The following DOCK4 variants were observed in gnomAD, a reference collection of about 807,000 sequenced individuals.
DOCK4 encodes dedicator of cytokinesis protein 4.
In DOCK4, 97 loss-of-function variants were observed where a neutral mutation model predicts 268.1. That is an observed-to-expected ratio of 0.36 (90% CI 0.31 to 0.43). The LOEUF is 0.43. Ranked by LOEUF, DOCK4 falls within the 20% of genes least tolerant of loss-of-function variation. The pLI, the probability that DOCK4 is intolerant of heterozygous loss-of-function variation, is 1.00. For missense variants in DOCK4, 2,145 were observed against 2,455.7 expected (o/e 0.87, Z 2.67); for synonymous variants, 954 against 887.2 (o/e 1.08, Z -1.34).
rs181932294 is a variant in DOCK4 at position 111,977,489 on chromosome 7, A to G, written c.550-206T>C. Among the ~76,000 whole-genome samples the G allele has an allele frequency of 1.1e-4, 17 of 152,328 alleles. No individual in the cohort carries two copies. The East Asian group carries it at 2.7e-3, about 24-fold the overall frequency. On this transcript the variant is annotated intron_variant, in intron 7 of 52. Coordinates refer to ENST00000428084, the MANE Select transcript of DOCK4 (RefSeq NM_001363540.2). ...ATAGAAATAGTCTGGAAGATATCCA[A>G]TTTAACTTTGGATGTTAAGTTCCAA... is the stretch of plus-strand genomic sequence containing the variant.
chr7:111,746,217 C>A, intron 44 of DOCK4, 117 bp downstream of exon 44: 1 of 723,858 alleles, frequency 1.4e-6, no homozygotes, highest in South Asian at 2.0e-5. Flanking sequence ...GAATCTGTCA[C>A]CCTTGCTTGC....
At chr7:111,933,743 A>G (rs1381992301) in intron 12 of DOCK4, among the ~76,000 whole-genome samples, 1 of 152,164 alleles carries the variant, frequency 6.6e-6, no homozygotes, top group Non-Finnish European at 1.5e-5. Context: ...TTAGTGGTAG[A>G]TGCAGGACTT....
chr7:112,087,439 C>T (rs1329465914), intron 1 of DOCK4, among the ~76,000 whole-genome samples: 1 of 152,050 alleles, frequency 6.6e-6, no homozygotes, highest in African/African-American at 2.4e-5. Context: ...AATAGACATC[C>T]TCATAAAACT....
intron 23 of DOCK4, among the ~76,000 whole-genome samples, chr7:111,861,514 A>G (rs1805512945): frequency 6.6e-6 from 1 of 152,074 alleles, no homozygotes; most frequent in Non-Finnish European, 1.5e-5. Flanking sequence ...TGGGAGGCTG[A>G]GGTGGGTGGA....
Position 111,769,579 on chromosome 7 carries a change from G to A in DOCK4, c.3778C>T (p.Arg1260Cys), listed in dbSNP as rs1401315161. Reference protein sequence around the residue: ...LTYPMQTEWQRKEHLHLTIIQ... With the variant: ...LTYPMQTEWQCKEHLHLTIIQ... ...ATGGTGAGGTGCAGGTGCTCTTTGCGCTGCCATTCTGTTTGCATGGGGTAG... is the reference window on the plus strand; with the variant it reads ...ATGGTGAGGTGCAGGTGCTCTTTGCACTGCCATTCTGTTTGCATGGGGTAG... The change falls in exon 37 of 53, where the codon CGC becomes TGC. Residue 1260 changes from arginine to cysteine, a missense_variant. This residue lies in a region of DOCK4 where 1,598 missense variants were observed against 1,986.7 expected (regional missense o/e 0.80). Coordinates refer to ENST00000428084, the MANE Select transcript of DOCK4 (RefSeq NM_001363540.2). 5 of 1,613,658 alleles carry A rather than the reference G, an allele frequency of 3.1e-6. No individual in the cohort carries two copies. Among genetic ancestry groups the A allele is most frequent in the Admixed American group, 1.7e-5 (1 of 59,986 alleles).
chr7:111,997,022 C>A (rs1401589307), intron 4 of DOCK4, among the ~76,000 whole-genome samples: 2 of 152,176 alleles, frequency 1.3e-5, no homozygotes, highest in Admixed American at 1.3e-4. Context: ...ACTGGTTGCA[C>A]AGGCTTGCTC....
chr7:111,736,942 G>T lies in DOCK4; in HGVS notation c.5280C>A (p.Asp1760Glu). ...CTTTTTCAGGTGCAGAGAGATTTGG[G>T]TCACTGCGTGGCAAGGCCCCGTCTC... is the stretch of plus-strand genomic sequence containing the variant. Reference protein sequence around the residue: ...HIGDGALPRSDPNLSAPEKAV... With the variant: ...HIGDGALPRSEPNLSAPEKAV... The change falls in exon 50 of 53, where the codon GAC (aspartate) becomes GAA (glutamate). Residue 1760 changes from aspartate (D) to glutamate (E), a missense_variant. By Grantham distance (45) the Asp-to-Glu change is conservative. Coordinates refer to ENST00000428084, the MANE Select transcript of DOCK4 (RefSeq NM_001363540.2). 6.2e-7 allele frequency: 1 copy of T among 1,604,404 alleles called. No individual in the cohort carries two copies. Among genetic ancestry groups the T allele is most frequent in the Non-Finnish European group, 8.5e-7 (1 of 1,175,402 alleles).
chr7:112,113,238 G>T (rs1402718712), intron 1 of DOCK4, among the ~76,000 whole-genome samples: 2 of 152,116 alleles, frequency 1.3e-5, no homozygotes, highest in Admixed American at 1.3e-4. Flanking sequence ...CAGTATTGAA[G>T]ACCAAGGAAG....
At chr7:112,186,519 T>C (rs2116746105) in intron 1 of DOCK4, among the ~76,000 whole-genome samples, 1 of 152,334 alleles carries the variant, frequency 6.6e-6, no homozygotes, top group East Asian at 1.9e-4. Context: ...AATGAAATGA[T>C]GCATGTATGA....
At chr7:111,753,013 G>GC (rs386411014) in intron 42 of DOCK4, among the ~76,000 whole-genome samples, 2 of 141,722 alleles carry the variant, frequency 1.4e-5, no homozygotes, top group African/African-American at 5.1e-5. Flanking sequence ...ATTGGGGGGG[G>GC]GGTCTGTGAT....
intron 51 of DOCK4, 51 bp downstream of exon 51, chr7:111,735,003 C>A: frequency 7.2e-7 from 1 of 1,393,452 alleles, no homozygotes; most frequent in Non-Finnish European, 1.0e-6. Context: ...CTGGAGTAGT[C>A]AATAAAAGTT....
chr7:111,791,056 T>G (rs1165263358), intron 30 of DOCK4, among the ~76,000 whole-genome samples: 2 of 93,468 alleles, frequency 2.1e-5, no homozygotes, highest in Non-Finnish European at 3.6e-5. Context: ...AGACTCTGTC[T>G]CAAAAAAAAA....
intron 13 of DOCK4, among the ~76,000 whole-genome samples, chr7:111,905,883 C>T: frequency 6.6e-6 from 1 of 152,076 alleles, no homozygotes; most frequent in Admixed American, 6.5e-5. Flanking sequence ...TAGTAACAGT[C>T]CTAGTAGCAA....
At position 111,741,078 on chromosome 7, in the gene DOCK4, A is replaced by G. The variant is rs1487136674; in HGVS notation, c.5040+16T>C. 6.2e-7 allele frequency: 1 copy of G among 1,612,974 alleles called. No individual in the cohort carries two copies. The highest frequency in any genetic ancestry group is 8.5e-7 in the Non-Finnish European group (1 of 1,179,670). On this transcript the variant is annotated intron_variant, in intron 47 of 52. Coordinates refer to ENST00000428084, the MANE Select transcript of DOCK4 (RefSeq NM_001363540.2). ...AAAAGGAATAAACACAACCAGACAA[A>G]AAGCTAATTAAGTACCTGCATGTTA...
intron 1 of DOCK4, among the ~76,000 whole-genome samples, chr7:112,108,889 C>T (rs1811374005): frequency 6.6e-6 from 1 of 151,964 alleles, no homozygotes; most frequent in Admixed American, 6.6e-5. Context: ...GGGATTTTGG[C>T]GAGACCCCTT....
chr7:112,003,966 A>C, intron 2 of DOCK4, 82 bp downstream of exon 2: 2 of 1,060,374 alleles, frequency 1.9e-6, no homozygotes, highest in Non-Finnish European at 2.7e-6. Context: ...GAAAAGTTCC[A>C]GAGATTAATA....
At chr7:112,008,489 A>C (rs1051422383) in intron 1 of DOCK4, among the ~76,000 whole-genome samples, 1 of 152,244 alleles carries the variant, frequency 6.6e-6, no homozygotes, top group Admixed American at 6.5e-5. Flanking sequence ...AATAGCCGTG[A>C]GAAACAGTCT....
intron 1 of DOCK4, among the ~76,000 whole-genome samples, chr7:112,030,029 G>T (rs1803140045): frequency 6.6e-6 from 1 of 152,184 alleles, no homozygotes; most frequent in Non-Finnish European, 1.5e-5. Context: ...CATTACATCT[G>T]CATGAAAACT....
intron 26 of DOCK4, among the ~76,000 whole-genome samples, chr7:111,833,521 G>A (rs1394410667): frequency 6.6e-6 from 1 of 151,270 alleles, no homozygotes; most frequent in Non-Finnish European, 1.5e-5. Flanking sequence ...TCCAGCCTGA[G>A]TAACAGTAAA....
Sources: gnomAD v4.1 joint callset for allele counts (sites outside exome capture counted in the v4.1 genomes callset) on GRCh38, gnomAD v4.1.1 for gene constraint, gnomAD v4.1.1 regional missense constraint, MANE v1.5 for transcripts, NCBI Gene and HGNC (gene_info 2026-07-23, HGNC 2026-07-21) for gene names.